The following PTPRN2 variants were observed in gnomAD, a reference collection of about 807,000 sequenced individuals.
PTPRN2 encodes protein tyrosine phosphatase receptor type N2.
A neutral mutation model predicts 118.8 loss-of-function variants in PTPRN2; 74 were observed. That is an observed-to-expected ratio of 0.62 (90% CI 0.52 to 0.76). PTPRN2 has a LOEUF of 0.76. Ranked by LOEUF, PTPRN2 falls within the 30% of genes least tolerant of loss-of-function variation. The probability of loss-of-function intolerance (pLI) is 0.00; values close to 1 mark genes in which losing one functional copy is unlikely to be tolerated. For missense variants in PTPRN2, 1,481 were observed against 1,394.4 expected, an observed-to-expected ratio of 1.06 and a Z score of -0.99; for synonymous variants, 641 against 608.0, an observed-to-expected ratio of 1.05 and a Z score of -0.80.
At position 158,401,466 on chromosome 7, in the gene PTPRN2, C is replaced by T. The variant is rs73516682; in HGVS notation, c.164-84534G>A. Reference sequence around the variant, plus strand: ...GCGAAGCTGCCACGGGACGGCCCCACGGGTGCCAAGACACGATGGACCCCA... The same window carrying T: ...GCGAAGCTGCCACGGGACGGCCCCATGGGTGCCAAGACACGATGGACCCCA... On this transcript the variant is annotated intron_variant, in intron 2 of 22. Transcript: ENST00000389418. 2.7e-3 allele frequency among the ~76,000 whole-genome samples: 408 copies of T among 151,746 alleles called. 1 individual carries two copies. The highest frequency in any genetic ancestry group is 9.2e-3 in the African/African-American group (382 of 41,356).
chr7:158,293,756 T>TAAA (rs35511035), intron 3 of PTPRN2, among the ~76,000 whole-genome samples: 5 of 147,152 alleles, frequency 3.4e-5, no homozygotes, highest in Non-Finnish European at 4.5e-5. Context: ...ACTTTTTTGT[T>TAAA]AAAAAAAAAA....
chr7:157,968,614 C>T (rs1802103440), intron 11 of PTPRN2, among the ~76,000 whole-genome samples: 1 of 152,200 alleles, frequency 6.6e-6, no homozygotes, highest in Non-Finnish European at 1.5e-5. Context: ...CTGGGCTCCT[C>T]AGACCTGAAA....
chr7:157,620,422 G>T (rs1803089264), intron 15 of PTPRN2, among the ~76,000 whole-genome samples: 1 of 152,182 alleles, frequency 6.6e-6, no homozygotes, highest in South Asian at 2.1e-4. Context: ...GTGATCCCTA[G>T]CTAGGTAGTA....
Position 158,270,821 on chromosome 7 carries a change from CCT to C in PTPRN2, c.277+45996_277+45997del, listed in dbSNP as rs780819972. Among the ~76,000 whole-genome samples the C allele has an allele frequency of 3.0e-3, 52 of 17,446 alleles. 5 individuals carry two copies. Among genetic ancestry groups the C allele is most frequent in the East Asian group, 7.4e-3 (2 of 272 alleles). The allele number at this position is 17,446 out of a possible 152,430, so 11.4% of individuals were successfully genotyped here. A position where few individuals can be genotyped will look rare whatever the true frequency, so the allele number is the denominator to read the frequency against. On this transcript the variant is annotated intron_variant, in intron 3 of 22. Coordinates refer to ENST00000389418, the MANE Select transcript of PTPRN2 (RefSeq NM_002847.5). ...GACCACCCCCTCACCTGGACCGCCC[CCT>C]CCACCTGGATGACCCCCTCACCTGG...
intron 2 of PTPRN2, among the ~76,000 whole-genome samples, chr7:158,326,095 A>T (rs1365513936): frequency 6.6e-6 from 1 of 152,200 alleles, no homozygotes; most frequent in Non-Finnish European, 1.5e-5. Flanking sequence ...CCCACAGGCC[A>T]TACCCGCCGC....
chr7:157,862,868 C>CT (rs1426498675), intron 12 of PTPRN2: 1 of 144,812 alleles, frequency 6.9e-6, no homozygotes, highest in Non-Finnish European at 1.5e-5. Context: ...CGAGGACCGG[C>CT]TTTAAAGTCA....
Position 158,405,466 on chromosome 7 carries a change from C to T in PTPRN2, c.163+84269G>A, listed in dbSNP as rs576626639. Among the ~76,000 whole-genome samples, 28 of 152,310 alleles carry T rather than the reference C, an allele frequency of 1.8e-4. No homozygotes were observed. The East Asian group carries it at 5.4e-3, about 29-fold the overall frequency. ...GAGGAAATGTTTTTTTAGCATGATG[C>T]CTGATAAGGACACAACACAGAGCTG... is the stretch of plus-strand genomic sequence containing the variant. On this transcript the variant is annotated intron_variant, in intron 2 of 22. Coordinates refer to ENST00000389418, the MANE Select transcript of PTPRN2 (RefSeq NM_002847.5).
intron 2 of PTPRN2, among the ~76,000 whole-genome samples, chr7:158,457,740 AG>A (rs1818640632): frequency 7.7e-6 from 1 of 129,432 alleles, no homozygotes; most frequent in Non-Finnish European, 1.6e-5. Flanking sequence ...TCATTAGCAA[AG>A]GTGCTACCTC....
intron 2 of PTPRN2, among the ~76,000 whole-genome samples, chr7:158,457,554 G>A (rs28525092): frequency 0.6 from 49,109 of 82,218 alleles, 11,956 homozygotes; most frequent in Admixed American, 0.65. Flanking sequence ...TAAAGCCACC[G>A]TCAAAACTCC....
chr7:158,333,755 G>C (rs1231020761), intron 2 of PTPRN2, among the ~76,000 whole-genome samples: 9 of 145,082 alleles, frequency 6.2e-5, no homozygotes, highest in South Asian at 2.2e-4. Flanking sequence ...CACCATAAGA[G>C]CTGACACCCG....
intron 1 of PTPRN2, among the ~76,000 whole-genome samples, chr7:158,580,502 G>A (rs928838202): frequency 4.6e-5 from 7 of 152,212 alleles, no homozygotes; most frequent in African/African-American, 7.2e-5. Context: ...TCAGAACCAC[G>A]TGGTGACGGA....
chr7:158,311,914 CCTGCACACACAT>C (rs1040931435), intron 3 of PTPRN2, among the ~76,000 whole-genome samples: 1 of 146,920 alleles, frequency 6.8e-6, no homozygotes, highest in African/African-American at 2.7e-5. Flanking sequence ...CACGCACACA[CCTGCACACACAT>C]GTGCTCACGT....
chr7:158,127,657 G>A (rs749701915), intron 9 of PTPRN2, among the ~76,000 whole-genome samples: 7 of 152,138 alleles, frequency 4.6e-5, no homozygotes, highest in Non-Finnish European at 8.8e-5. Context: ...TGGTCGTTCC[G>A]CAGAATACAT....
rs532116900 is a variant in PTPRN2, at chr7:158,130,503, AACAC to A, written c.1556+3170_1556+3173del. 1.1e-4 allele frequency among the ~76,000 whole-genome samples: 16 copies of A among 149,278 alleles called. No individual in the cohort carries two copies. In the East Asian group the frequency reaches 2.9e-3, roughly 27 times the overall value. Reference sequence around the variant, plus strand: ...TGCACATATGCACAAACTTCTACCCAACACACACACTCATACACACACACGTACA... The same window carrying A: ...TGCACATATGCACAAACTTCTACCCAACACACTCATACACACACACGTACA... On this transcript the variant is annotated intron_variant, in intron 9 of 22. Coordinates refer to ENST00000389418, the MANE Select transcript of PTPRN2 (RefSeq NM_002847.5).
rs1800945314 is a variant in PTPRN2 at position 157,953,178 on chromosome 7, C to G, written c.1724-54441G>C. Among the ~76,000 whole-genome samples the G allele has an allele frequency of 6.6e-6, 1 of 152,204 alleles. No homozygotes were observed. The highest frequency in any genetic ancestry group is 1.5e-5 in the Non-Finnish European group (1 of 68,024). On this transcript the variant is annotated intron_variant, in intron 11 of 22. Coordinates refer to ENST00000389418, the MANE Select transcript of PTPRN2 (RefSeq NM_002847.5). This position sits in a 1 kb window ranked among gnomAD's most constrained non-coding sequence, Gnocchi z 4.6. ...TGTGCATGCACCATGTTGACTGTACCCGTGTGCAGCTTGCACAGAGTCCCC... is the reference window on the plus strand; with the variant it reads ...TGTGCATGCACCATGTTGACTGTACGCGTGTGCAGCTTGCACAGAGTCCCC...
At chr7:157,971,035 T>C (rs752291701) in intron 11 of PTPRN2, among the ~76,000 whole-genome samples, 1 of 152,178 alleles carries the variant, frequency 6.6e-6, no homozygotes, top group Non-Finnish European at 1.5e-5. Flanking sequence ...TCACCACCTC[T>C]TCCTCTGCCT....
At chr7:158,274,403 C>T (rs1238427720) in intron 3 of PTPRN2, among the ~76,000 whole-genome samples, 2 of 133,030 alleles carry the variant, frequency 1.5e-5, no homozygotes, top group Non-Finnish European at 1.6e-5. Flanking sequence ...CAGGGGGAGC[C>T]ACAGGCACAG....
chr7:158,444,289 C>T (rs11766999), intron 2 of PTPRN2, among the ~76,000 whole-genome samples: 2,225 of 152,386 alleles, frequency 0.015, 20 homozygotes, highest in Middle Eastern at 0.024. Context: ...AGACTGTGCT[C>T]GGGAAGCTGA....
intron 11 of PTPRN2, among the ~76,000 whole-genome samples, chr7:158,034,768 G>C (rs905227990): frequency 6.6e-6 from 1 of 152,192 alleles, no homozygotes; most frequent in African/African-American, 2.4e-5. Context: ...GGGCTGAGTC[G>C]AGTTGCATCG....
Sources: gnomAD v4.1 joint callset for allele counts (sites outside exome capture counted in the v4.1 genomes callset) on GRCh38, gnomAD v4.1.1 for gene constraint, Gnocchi (gnomAD v3.1) non-coding constraint, MANE v1.5 for transcripts, NCBI Gene and HGNC (gene_info 2026-07-23, HGNC 2026-07-21) for gene names.